The following DOCK11 variants were observed in gnomAD, a reference collection of about 807,000 sequenced individuals.
DOCK11 encodes the protein dedicator of cytokinesis 11.
A neutral mutation model predicts 169.1 loss-of-function variants in DOCK11; 70 were observed. That is an observed-to-expected ratio of 0.41 (90% CI 0.34 to 0.51). The LOEUF (loss-of-function observed/expected upper bound fraction) is 0.51. Ranked by LOEUF, DOCK11 falls within the 20% of genes least tolerant of loss-of-function variation. The pLI, the probability that DOCK11 is intolerant of heterozygous loss-of-function variation, is 0.10. For synonymous variants in DOCK11, 529 were observed against 541.3 expected (o/e 0.98, Z 0.32); for missense variants, 1,166 against 1,538.8 (o/e 0.76, Z 4.05).
intron 46 of DOCK11, among the ~76,000 whole-genome samples, chrX:118,674,236 C>T (rs12010411): frequency 0.15 from 16,874 of 110,429 alleles, 1,073 homozygotes; most frequent in Middle Eastern, 0.31. Context: ...CCGCAACCTC[C>T]GCCTCCTGGG....
intron 6 of DOCK11, among the ~76,000 whole-genome samples, chrX:118,551,431 G>T (rs2012489000): frequency 8.9e-6 from 1 of 112,401 alleles, no homozygotes; most frequent in South Asian, 3.7e-4. Context: ...GGGCATAGTG[G>T]CTCATGCCTG....
rs754457760 is a variant in DOCK11, at chrX:118,646,053, CAAAAAAA to C, written c.4398+2476_4398+2482del. ...CTTGGGCAACAGAGCGAGACTTCGTCAAAAAAAAAAAAAAAAAAAAAAACACAACAAC... is the reference window on the plus strand; with the variant it reads ...CTTGGGCAACAGAGCGAGACTTCGTCAAAAAAAAAAAAAAAACACAACAAC... On this transcript the variant is annotated intron_variant, in intron 40 of 52. Transcript: ENST00000276202. Among the ~76,000 whole-genome samples the C allele has an allele frequency of 7.4e-4, 29 of 38,993 alleles. 1 individual carries two copies. Among genetic ancestry groups the C allele is most frequent in the Non-Finnish European group, 9.3e-4 (20 of 21,574 alleles). The allele number at this position is 38,993 out of a possible 115,157, so 33.9% of individuals were successfully genotyped here. A position where few individuals can be genotyped will look rare whatever the true frequency, so the allele number is the denominator to read the frequency against.
intron 40 of DOCK11, among the ~76,000 whole-genome samples, chrX:118,643,964 A>G (rs1323265107): frequency 1.8e-5 from 2 of 111,474 alleles, no homozygotes; most frequent in Non-Finnish European, 3.8e-5. Flanking sequence ...AAAGGATCCA[A>G]CTTTTGTAAT....
At chrX:118,530,091 A>C (rs1421747231) in intron 1 of DOCK11, among the ~76,000 whole-genome samples, 1 of 112,798 alleles carries the variant, frequency 8.9e-6, no homozygotes, top group African/African-American at 3.2e-5. Flanking sequence ...AGGTGTTGGG[A>C]ACAAATTAAG....
chrX:118,543,721 C>T (rs1480711921), intron 4 of DOCK11, 128 bp downstream of exon 4: 14 of 454,322 alleles, frequency 3.1e-5, no homozygotes, highest in Non-Finnish European at 5.0e-5. Context: ...GAGGCCGAGG[C>T]GGGCAGATCA....
Position 118,593,401 on chromosome X carries a change from C to T in DOCK11, c.2263+64C>T, listed in dbSNP as rs1306308911. 27 of 1,048,750 alleles carry T rather than the reference C, an allele frequency of 2.6e-5. No individual in the cohort carries two copies. In the South Asian group the frequency reaches 5.3e-4, roughly 21 times the overall value. 86.4% of individuals were successfully genotyped at this position (1,048,750 alleles called of 1,213,427 possible). A position where few individuals can be genotyped will look rare whatever the true frequency, so the allele number is the denominator to read the frequency against. On this transcript the variant is annotated intron_variant, in intron 20 of 52. Coordinates refer to ENST00000276202, the MANE Select transcript of DOCK11 (RefSeq NM_144658.4). ...TGAAATGGAACTGTCCAGGGTATAA[C>T]CTCTTTTCACCAAGCTATAGACCAC...
At position 118,685,624 on chromosome X, in the gene DOCK11, A is replaced by C. The variant is rs2016840634; in HGVS notation, c.6103-64A>C. 4 of 1,164,424 alleles carry C rather than the reference A, an allele frequency of 3.4e-6. No individual in the cohort carries two copies. The Admixed American group carries it at 6.9e-5, about 20-fold the overall frequency. ...GAAATATGCCTGCAATTTCATATAC[A>C]CATTCTTTTTTTGGCAGTGGCTATT... On this transcript the variant is annotated intron_variant, in intron 52 of 52. Transcript: ENST00000276202.
intron 12 of DOCK11, among the ~76,000 whole-genome samples, chrX:118,577,083 A>C (rs1426411903): frequency 1.8e-5 from 2 of 112,744 alleles, no homozygotes; most frequent in African/African-American, 6.4e-5. Context: ...CTGAGCCTCC[A>C]CTTCTTAATC....
rs111405431 is a variant in DOCK11, at chrX:118,622,357, A to G, written c.3472-2182A>G. Among the ~76,000 whole-genome samples the G allele has an allele frequency of 4.3e-3, 480 of 112,518 alleles. 13 individuals carry two copies. The highest frequency in any genetic ancestry group is 0.033 in the South Asian group (91 of 2,732). On this transcript the variant is annotated intron_variant, in intron 31 of 52. Transcript: ENST00000276202. ...GAAGGTTAGATCTACCGCATTTTAA[A>G]AAGTAGCTGCATAGTATTCTATCAT...
At chrX:118,608,193 G>A (rs368064144) in intron 25 of DOCK11, 38 bp from the exon 26 acceptor site, 1 of 1,190,914 alleles carries the variant, frequency 8.4e-7, no homozygotes, top group Non-Finnish European at 1.1e-6. Flanking sequence ...TGACAATTTT[G>A]TCTTACAGTT....
rs184673903 is a variant in DOCK11, at chrX:118,647,294, A to G, written c.4399-1651A>G. Among the ~76,000 whole-genome samples the G allele has an allele frequency of 3.8e-3, 397 of 103,175 alleles. 2 individuals are homozygous for G. Among genetic ancestry groups the G allele is most frequent in the African/African-American group, 0.014 (386 of 28,510 alleles). 89.6% of individuals were successfully genotyped at this position (103,175 alleles called of 115,157 possible). A position where few individuals can be genotyped will look rare whatever the true frequency, so the allele number is the denominator to read the frequency against. ...TTCACAATAAAGGAACTGTTGAAAT[A>G]TAAAGCAAAAGAGTAAGTAATGAAA... On this transcript the variant is annotated intron_variant, in intron 40 of 52. Transcript: ENST00000276202.
chrX:118,556,555 C>G (rs907920343), intron 6 of DOCK11, among the ~76,000 whole-genome samples: 5 of 105,423 alleles, frequency 4.7e-5, no homozygotes, highest in African/African-American at 6.9e-5. Flanking sequence ...TCAAGACCAG[C>G]CTGGCCAACA....
chrX:118,545,419 A>C, intron 5 of DOCK11, 27 bp downstream of exon 5: 1 of 1,096,593 alleles, frequency 9.1e-7, no homozygotes, highest in Non-Finnish European at 1.2e-6. Context: ...CAGTTGGGGT[A>C]ACTGTGCTAG....
intron 6 of DOCK11, among the ~76,000 whole-genome samples, chrX:118,557,034 C>A (rs2012720315): frequency 9.0e-6 from 1 of 111,559 alleles, no homozygotes; most frequent in African/African-American, 3.3e-5. Context: ...TGTATGAAAC[C>A]ACTGGAGAAT....
chrX:118,541,101 C>T (rs914516769), intron 1 of DOCK11, among the ~76,000 whole-genome samples: 1 of 110,960 alleles, frequency 9.0e-6, no homozygotes, highest in Non-Finnish European at 1.9e-5. Context: ...AATCCCTGCC[C>T]TCAAATAGTC....
At chrX:118,602,868 G>GT (rs1386480039) in intron 23 of DOCK11, among the ~76,000 whole-genome samples, 1 of 112,121 alleles carries the variant, frequency 8.9e-6, no homozygotes, top group African/African-American at 3.2e-5. Flanking sequence ...CATTTATTCA[G>GT]TAAGTCACCA....
chrX:118,655,958 A>C (rs759777453), intron 44 of DOCK11, among the ~76,000 whole-genome samples: 1 of 111,909 alleles, frequency 8.9e-6, no homozygotes, highest in African/African-American at 3.2e-5. Flanking sequence ...TCAGTGTTTG[A>C]TTGCCTCATA....
intron 6 of DOCK11, among the ~76,000 whole-genome samples, chrX:118,552,745 G>T (rs2012542140): frequency 8.9e-6 from 1 of 112,512 alleles, no homozygotes; most frequent in Non-Finnish European, 1.9e-5. Flanking sequence ...GGGTGTGGTG[G>T]CATGTGCCTG....
intron 45 of DOCK11, among the ~76,000 whole-genome samples, 181 bp from the exon 46 acceptor site, chrX:118,670,842 C>T (rs1188214841): frequency 8.9e-6 from 1 of 112,103 alleles, no homozygotes; most frequent in Non-Finnish European, 1.9e-5. Flanking sequence ...ATGTTTTTAA[C>T]TTTAAATATT....
Sources: allele counts gnomAD v4.1 joint callset (sites outside exome capture counted in the v4.1 genomes callset), GRCh38; gene constraint gnomAD v4.1.1; transcripts MANE v1.5; gene names NCBI Gene and HGNC (gene_info 2026-07-23, HGNC 2026-07-21).